PTPRN2: variants seen among roughly 807,000 people sequenced by gnomAD.
PTPRN2 encodes receptor-type tyrosine-protein phosphatase N2.
A neutral mutation model predicts 118.8 loss-of-function variants in PTPRN2; 74 were observed. That is an observed-to-expected ratio of 0.62 (90% CI 0.52 to 0.76). The LOEUF (loss-of-function observed/expected upper bound fraction) is 0.76. PTPRN2 is among the 30% of genes least tolerant of loss of function. The pLI is 0.00. For missense variants in PTPRN2, 1,481 were observed against 1,394.4 expected, an observed-to-expected ratio of 1.06 and a Z score of -0.99; for synonymous variants, 641 against 608.0, an observed-to-expected ratio of 1.05 and a Z score of -0.80.
intron 11 of PTPRN2, among the ~76,000 whole-genome samples, chr7:158,074,223 C>T (rs1205431187): frequency 1.3e-5 from 2 of 152,208 alleles, no homozygotes; most frequent in East Asian, 3.8e-4. Flanking sequence ...CTGGATTTCA[C>T]CTGCCCCGGC....
intron 12 of PTPRN2, among the ~76,000 whole-genome samples, chr7:157,888,885 G>A (rs1351779235): frequency 6.6e-6 from 1 of 152,112 alleles, no homozygotes; most frequent in Non-Finnish European, 1.5e-5. Flanking sequence ...AAATGAGATA[G>A]AACTAGACAC....
chr7:157,954,637 T>C (rs546112082), intron 11 of PTPRN2, among the ~76,000 whole-genome samples: 9 of 152,112 alleles, frequency 5.9e-5, no homozygotes, highest in African/African-American at 2.2e-4. Context: ...GTGAGAGGAG[T>C]GGTCTCAGCC....
At chr7:157,982,144 A>C (rs4716863) in intron 11 of PTPRN2, among the ~76,000 whole-genome samples, 28,122 of 87,112 alleles carry the variant, frequency 0.32, 4,642 homozygotes, top group East Asian at 0.44. Context: ...AGCGTCCCCC[A>C]TAAACCCCGA....
At chr7:157,626,658 A>T (rs1336686884) in intron 14 of PTPRN2, among the ~76,000 whole-genome samples, 1 of 152,130 alleles carries the variant, frequency 6.6e-6, no homozygotes, top group Non-Finnish European at 1.5e-5. Context: ...CATGAGATTA[A>T]TTTTTTTAGG....
rs139222064 is a variant in PTPRN2 at position 157,605,427 on chromosome 7, C to T, written c.2345-1352G>A. On this transcript the variant is annotated intron_variant, in intron 15 of 22. Transcript: ENST00000389418. ...TCCGGGAGCTCCCAGGTCTGGGCTC[C>T]CTGAAGGGCTACAGCTGTTCTCTCC... is the stretch of plus-strand genomic sequence containing the variant. 1.1e-3 allele frequency among the ~76,000 whole-genome samples: 166 copies of T among 152,312 alleles called. 1 individual carries two copies. Among genetic ancestry groups the T allele is most frequent in the African/African-American group, 3.9e-3 (162 of 41,572 alleles).
At chr7:158,327,049 AC>A (rs1249885214) in intron 2 of PTPRN2, among the ~76,000 whole-genome samples, 1 of 151,814 alleles carries the variant, frequency 6.6e-6, no homozygotes, top group Non-Finnish European at 1.5e-5. Flanking sequence ...GCACATGTAC[AC>A]ATTCTCATCT....
At chr7:157,720,749 T>C (rs1799189159) in intron 12 of PTPRN2, among the ~76,000 whole-genome samples, 1 of 151,948 alleles carries the variant, frequency 6.6e-6, no homozygotes, top group Non-Finnish European at 1.5e-5. Context: ...TAATAGAAAT[T>C]ACAAAAAGAT....
intron 4 of PTPRN2, among the ~76,000 whole-genome samples, chr7:158,202,169 A>G (rs531327539): frequency 6.6e-6 from 1 of 152,222 alleles, no homozygotes; most frequent in South Asian, 2.1e-4. Context: ...AATGAAGAAC[A>G]TTCCTAAAAA....
intron 3 of PTPRN2, among the ~76,000 whole-genome samples, chr7:158,232,857 G>T (rs908396103): frequency 6.6e-6 from 1 of 151,986 alleles, no homozygotes; most frequent in Non-Finnish European, 1.5e-5. Context: ...TGCTAAAAAA[G>T]CATTTGATAA....
Position 158,316,912 on chromosome 7 carries a change from G to A in PTPRN2, c.184C>T (p.Gln62Ter). 1.2e-6 allele frequency: 2 copies of A among 1,612,706 alleles called. No homozygotes were observed. Among genetic ancestry groups the A allele is most frequent in the Non-Finnish European group, 1.7e-6 (2 of 1,179,848 alleles). The change falls in exon 3 of 23, where the codon CAG becomes TAG. Residue 62 changes from glutamine (Q) to a stop codon, truncating the protein, a stop_gained. Coordinates refer to ENST00000389418, the MANE Select transcript of PTPRN2 (RefSeq NM_002847.5). LOFTEE classifies it high-confidence loss of function. ...CVNDGVFGRC[Q>*]KVPAMDFYRY... The stretch of plus-strand genomic sequence containing the variant: ...TAAAAGTCCATTGCCGGAACCTTCT[G>A]GCACCTTCCAAACACTCCATCTGTG...
intron 4 of PTPRN2, among the ~76,000 whole-genome samples, chr7:158,200,280 C>T (rs180922332): frequency 6.6e-6 from 1 of 152,328 alleles, no homozygotes; most frequent in African/African-American, 2.4e-5. Context: ...AGGCCCTACT[C>T]ATTTAGGAAA....
intron 11 of PTPRN2, among the ~76,000 whole-genome samples, chr7:158,078,839 GT>G (rs143893746): frequency 6.6e-6 from 1 of 152,144 alleles, no homozygotes; most frequent in African/African-American, 2.4e-5. Context: ...AATCTCTTGG[GT>G]TTTTTTTGTT....
intron 2 of PTPRN2, among the ~76,000 whole-genome samples, chr7:158,437,915 T>C (rs1816681687): frequency 1.3e-5 from 2 of 152,332 alleles, no homozygotes; most frequent in South Asian, 4.1e-4. Context: ...TCTATTTGTG[T>C]GTTGATGACC....
chr7:157,672,220 C>T (rs373199730), intron 13 of PTPRN2, among the ~76,000 whole-genome samples: 3 of 152,086 alleles, frequency 2.0e-5, no homozygotes, highest in Admixed American at 2.0e-4. Context: ...GCAAGACAGA[C>T]GCATGCCCGG....
chr7:157,895,290 G>A (rs1320581473), intron 12 of PTPRN2, among the ~76,000 whole-genome samples: 3 of 150,042 alleles, frequency 2.0e-5, no homozygotes, highest in South Asian at 2.1e-4. Flanking sequence ...ATCTGGACGA[G>A]ACCATAAAAT....
chr7:157,831,229 G>C lies in PTPRN2; in HGVS notation c.1788+67444C>G, dbSNP rs779317690. On this transcript the variant is annotated intron_variant, in intron 12 of 22. Transcript: ENST00000389418. This position sits in a 1 kb window ranked among gnomAD's most constrained non-coding sequence, Gnocchi z 4.8. ...CCTGCAGCATCTTACAAGGGGTGCAGGGAAGTCCAGAGACAGAAGCCCCCA... is the reference window on the plus strand; with the variant it reads ...CCTGCAGCATCTTACAAGGGGTGCACGGAAGTCCAGAGACAGAAGCCCCCA... Among the ~76,000 whole-genome samples, 99 of 152,350 alleles carry C rather than the reference G, an allele frequency of 6.5e-4. 2 individuals carry two copies. Among genetic ancestry groups the C allele is most frequent in the Non-Finnish European group, 9.4e-4 (64 of 68,028 alleles).
At chr7:157,786,743 T>C (rs983792980) in intron 12 of PTPRN2, among the ~76,000 whole-genome samples, 49 of 152,246 alleles carry the variant, frequency 3.2e-4, no homozygotes, top group African/African-American at 1.1e-3. Flanking sequence ...GCGGTAACAT[T>C]TAGAAGAGAA....
At chr7:158,137,346 G>A (rs1024400507) in intron 7 of PTPRN2, among the ~76,000 whole-genome samples, 6 of 152,176 alleles carry the variant, frequency 3.9e-5, no homozygotes, top group Non-Finnish European at 7.3e-5. Flanking sequence ...GAACCCGGCA[G>A]GCAAAGTTTG....
chr7:158,325,950 G>A (rs1246413300), intron 2 of PTPRN2, among the ~76,000 whole-genome samples: 3 of 152,228 alleles, frequency 2.0e-5, no homozygotes, highest in African/African-American at 7.2e-5. Context: ...AGCTCCCTGG[G>A]AACACACCTG....
Sources: allele counts gnomAD v4.1 joint callset (sites outside exome capture counted in the v4.1 genomes callset), GRCh38; gene constraint gnomAD v4.1.1; non-coding constraint Gnocchi (gnomAD v3.1); transcripts MANE v1.5; gene names NCBI Gene and HGNC (gene_info 2026-07-23, HGNC 2026-07-21).